Variants in RIT2 observed in about 807,000 individuals in gnomAD.
The protein encoded by RIT2 is GTP-binding protein Rit2.
Under a neutral mutation model 23.7 loss-of-function variants are expected in RIT2, and 24 were observed. That is an observed-to-expected ratio of 1.01 (90% CI 0.73 to 1.43). The LOEUF (loss-of-function observed/expected upper bound fraction) is 1.43, where lower values mean the gene tolerates loss of function less well. Ranked by LOEUF, RIT2 falls within the 40% of genes most tolerant of loss-of-function variation. RIT2 has a pLI of 0.00. For synonymous variants in RIT2, 107 were observed against 91.1 expected, an observed-to-expected ratio of 1.17 and a Z score of -0.99; for missense variants, 236 against 266.9, an observed-to-expected ratio of 0.88 and a Z score of 0.81.
At position 42,767,191 on chromosome 18, in the gene RIT2, G is replaced by A. The variant is rs942490121; in HGVS notation, c.427-23471C>T. On this transcript the variant is annotated intron_variant, in intron 4 of 4. Coordinates refer to ENST00000326695, the MANE Select transcript of RIT2 (RefSeq NM_002930.4). ...TATATCCACCAACATCTTGCACCGT[G>A]TGCCTGGGAAAGTCACAGACACTCA... Among the ~76,000 whole-genome samples, 3 of 152,138 alleles carry A rather than the reference G, an allele frequency of 2.0e-5. No individual in the cohort carries two copies. In the East Asian group the frequency reaches 5.8e-4, roughly 30 times the overall value.
chr18:42,743,369 AC>A lies in RIT2; in HGVS notation c.*123del, dbSNP rs1413716490. 2 of 722,180 alleles carry A rather than the reference AC, an allele frequency of 2.8e-6. No homozygotes were observed. The highest frequency in any genetic ancestry group is 3.6e-5 in the African/African-American group (2 of 56,004). 44.7% of individuals were successfully genotyped at this position (722,180 alleles called of 1,614,324 possible). A position where few individuals can be genotyped will look rare whatever the true frequency, so the allele number is the denominator to read the frequency against. On this transcript the variant is annotated 3_prime_UTR_variant, in exon 5 of 5. Coordinates refer to ENST00000326695, the MANE Select transcript of RIT2 (RefSeq NM_002930.4). ...GTACAGATATGCAGAGCTTGCTTTTACCTACAGGCAGATATTTAAAGAGAGA... is the reference window on the plus strand; with the variant it reads ...GTACAGATATGCAGAGCTTGCTTTTACTACAGGCAGATATTTAAAGAGAGA...
intron 4 of RIT2, among the ~76,000 whole-genome samples, chr18:42,918,305 T>C (rs1373929559): frequency 1.3e-5 from 2 of 152,154 alleles, no homozygotes; most frequent in African/African-American, 4.8e-5. Context: ...GGATAAATCA[T>C]GTGAAACTCT....
At chr18:42,859,379 G>A (rs187618630) in intron 4 of RIT2, among the ~76,000 whole-genome samples, 4 of 152,134 alleles carry the variant, frequency 2.6e-5, no homozygotes, top group Admixed American at 2.0e-4. Context: ...TCAAATTCTC[G>A]GCTGATTTTT....
chr18:42,872,206 C>T (rs1390395983), intron 4 of RIT2, among the ~76,000 whole-genome samples: 2 of 152,124 alleles, frequency 1.3e-5, no homozygotes, highest in African/African-American at 2.4e-5. Flanking sequence ...CTCAAACTGG[C>T]TAGGCCATTG....
At chr18:42,950,367 C>T (rs1598727204) in intron 3 of RIT2, among the ~76,000 whole-genome samples, 2 of 151,944 alleles carry the variant, frequency 1.3e-5, no homozygotes, top group Non-Finnish European at 1.5e-5. Flanking sequence ...AACTGGATCC[C>T]CACCTTTCAC....
chr18:43,100,797 T>G (rs1224605535), intron 1 of RIT2, among the ~76,000 whole-genome samples: 1 of 152,044 alleles, frequency 6.6e-6, no homozygotes, highest in Non-Finnish European at 1.5e-5. Flanking sequence ...AGGCTGGGGG[T>G]AAACAAGTTT....
chr18:42,915,004 T>TA (rs34252039), intron 4 of RIT2, among the ~76,000 whole-genome samples: 1 of 150,330 alleles, frequency 6.7e-6, no homozygotes, highest in South Asian at 2.1e-4. Flanking sequence ...TGAGTTAAAG[T>TA]AAAAAAAAAA....
At chr18:42,992,016 C>T (rs1416274235) in intron 2 of RIT2, among the ~76,000 whole-genome samples, 1 of 152,024 alleles carries the variant, frequency 6.6e-6, no homozygotes, top group Non-Finnish European at 1.5e-5. Context: ...GTCTGTGCCC[C>T]AACCCCTTAT....
intron 1 of RIT2, among the ~76,000 whole-genome samples, chr18:43,042,353 A>G (rs183849991): frequency 1.3e-5 from 2 of 152,118 alleles, no homozygotes. Context: ...TCTATTTAGG[A>G]TCTGGTTATT....
chr18:42,824,757 ATGTGTG>A (rs113714294), intron 4 of RIT2, among the ~76,000 whole-genome samples: 1 of 148,534 alleles, frequency 6.7e-6, no homozygotes, highest in Admixed American at 6.7e-5. Flanking sequence ...CTTTGTGTGT[ATGTGTG>A]TGTGTGTGTG....
chr18:42,887,862 G>T (rs528173096), intron 4 of RIT2, among the ~76,000 whole-genome samples: 2 of 152,250 alleles, frequency 1.3e-5, no homozygotes, highest in Middle Eastern at 3.4e-3. Context: ...CAGAAGACAT[G>T]GAAGAAGCTT....
chr18:42,763,851 T>C (rs2143904454), intron 4 of RIT2, among the ~76,000 whole-genome samples: 1 of 152,324 alleles, frequency 6.6e-6, no homozygotes, highest in South Asian at 2.1e-4. Context: ...TTTTTAAACT[T>C]TTCTTTTAAA....
chr18:42,781,956 T>G (rs1438256980), intron 4 of RIT2, among the ~76,000 whole-genome samples: 1 of 152,180 alleles, frequency 6.6e-6, no homozygotes, highest in Non-Finnish European at 1.5e-5. Flanking sequence ...TTTTTCCTAC[T>G]AAGAAAAGTT....
intron 4 of RIT2, among the ~76,000 whole-genome samples, chr18:42,750,536 C>T (rs1441920456): frequency 3.3e-5 from 5 of 151,708 alleles, no homozygotes; most frequent in African/African-American, 4.8e-5. Flanking sequence ...GTAATATTTC[C>T]GTAGCTAAAT....
At chr18:42,896,724 T>C (rs1908340244) in intron 4 of RIT2, among the ~76,000 whole-genome samples, 1 of 152,232 alleles carries the variant, frequency 6.6e-6, no homozygotes, top group African/African-American at 2.4e-5. Flanking sequence ...TCAGAAAGTA[T>C]TCAGTTGACT....
At chr18:42,928,998 C>T (rs1909253700) in intron 3 of RIT2, among the ~76,000 whole-genome samples, 1 of 119,452 alleles carries the variant, frequency 8.4e-6, no homozygotes, top group Non-Finnish European at 1.7e-5. Flanking sequence ...TTTGAGATTG[C>T]TAAAATGAAT....
At chr18:42,824,566 G>A (rs1906243207) in intron 4 of RIT2, among the ~76,000 whole-genome samples, 1 of 151,900 alleles carries the variant, frequency 6.6e-6, no homozygotes, top group Non-Finnish European at 1.5e-5. Context: ...TTAAGCTGAA[G>A]AGATAATAAC....
chr18:43,004,308 C>G (rs4462693), intron 2 of RIT2, among the ~76,000 whole-genome samples: 144,750 of 151,816 alleles, frequency 0.95, 69,371 homozygotes, highest in East Asian at 1. Context: ...ACATTTTCAG[C>G]AGGTCAGTTC....
chr18:42,969,843 T>C (rs1421332593), intron 3 of RIT2, among the ~76,000 whole-genome samples: 2 of 152,060 alleles, frequency 1.3e-5, no homozygotes, highest in African/African-American at 2.4e-5. Context: ...ATTTAGATCA[T>C]TTAGATATCA....
Sources: allele counts gnomAD v4.1 joint callset (sites outside exome capture counted in the v4.1 genomes callset), GRCh38; gene constraint gnomAD v4.1.1; transcripts MANE v1.5; gene names NCBI Gene and HGNC (gene_info 2026-07-23, HGNC 2026-07-21).